The following OSBPL9 variants were observed in gnomAD, a reference collection of about 807,000 sequenced individuals.
The protein encoded by OSBPL9 is oxysterol binding protein like 9.
OSBPL9 carries 40 observed loss-of-function variants against 106.6 expected under a neutral mutation model. The ratio of observed to expected loss-of-function variants is 0.38; its 90% CI spans 0.29 to 0.49. OSBPL9 has a LOEUF of 0.49. Among genes scored for constraint, OSBPL9 ranks in the 20% least tolerant of loss-of-function variants. OSBPL9 has a pLI of 0.97. For synonymous variants in OSBPL9, 269 were observed against 295.4 expected (o/e 0.91, Z 0.92); for missense variants, 609 against 887.2 (o/e 0.69, Z 3.98).
intron 1 of OSBPL9, among the ~76,000 whole-genome samples, chr1:51,620,250 T>C (rs1644342669): frequency 6.6e-6 from 1 of 152,094 alleles, no homozygotes; most frequent in Admixed American, 6.6e-5. Flanking sequence ...GGAAGGAAAT[T>C]GGGGGAGTTA....
the OSBPL9 span, among the ~76,000 whole-genome samples, chr1:51,568,853 C>A: frequency 3.9e-5 from 6 of 152,214 alleles, no homozygotes; most frequent in Non-Finnish European, 2.9e-5. Context: ...CCTGGTATTA[C>A]AGGTGCTAGC....
At chr1:51,602,724 G>A (rs1333814325) in intron 2 of OSBPL9, among the ~76,000 whole-genome samples, 1 of 152,176 alleles carries the variant, frequency 6.6e-6, no homozygotes. Context: ...GGGATTACAG[G>A]CATGAGCTAC....
At chr1:51,556,857 A>C in the OSBPL9 span, among the ~76,000 whole-genome samples, 3 of 150,244 alleles carry the variant, frequency 2.0e-5, no homozygotes, top group African/African-American at 7.3e-5. Context: ...GTATATATAT[A>C]TCTCAAACTA....
rs1677081016 is a variant in OSBPL9 at position 51,784,254 on chromosome 1, C to T, written c.1625-10C>T. ...CTACTCATCAGAGATTCTGTCCCTT[C>T]TCTCCACAGGCTGTGTCTCATGTCT... On this transcript the variant is annotated splice_polypyrimidine_tract_variant and intron_variant, in intron 18 of 23. Coordinates refer to ENST00000428468, the MANE Select transcript of OSBPL9 (RefSeq NM_024586.6). 1 of 1,612,962 alleles carries T rather than the reference C, an allele frequency of 6.2e-7. No individual in the cohort carries two copies. Among genetic ancestry groups the T allele is most frequent in the South Asian group, 1.1e-5 (1 of 91,050 alleles).
At chr1:51,743,223 A>G (rs902762925) in intron 4 of OSBPL9, among the ~76,000 whole-genome samples, 3 of 152,248 alleles carry the variant, frequency 2.0e-5, no homozygotes, top group African/African-American at 7.2e-5. Context: ...CCTGTTACAC[A>G]TTACCTAAAG....
chr1:51,756,858 C>G (rs1012973049), intron 9 of OSBPL9: 1 of 152,170 alleles, frequency 6.6e-6, no homozygotes, highest in East Asian at 1.9e-4. Context: ...AACATGAATT[C>G]TTTCTCTTAT....
At chr1:51,520,243 C>T in the OSBPL9 span, among the ~76,000 whole-genome samples, 3 of 152,182 alleles carry the variant, frequency 2.0e-5, no homozygotes, top group African/African-American at 7.2e-5. Flanking sequence ...ACAGTGCATG[C>T]TCAGTAAAGG....
intron 1 of OSBPL9, among the ~76,000 whole-genome samples, chr1:51,619,787 C>T (rs1000366877): frequency 5.3e-5 from 8 of 152,146 alleles, no homozygotes; most frequent in Non-Finnish European, 1.0e-4. Context: ...TCAGTCCATT[C>T]GGATTCTGAA....
the OSBPL9 span, among the ~76,000 whole-genome samples, chr1:51,553,685 A>T: frequency 3.4e-5 from 5 of 147,760 alleles, no homozygotes; most frequent in African/African-American, 9.9e-5. Flanking sequence ...CTAAAAAAAA[A>T]TTTTTTTTTT....
intron 2 of OSBPL9, among the ~76,000 whole-genome samples, chr1:51,654,463 A>G (rs1480555473): frequency 2.6e-5 from 4 of 152,220 alleles, no homozygotes; most frequent in African/African-American, 9.6e-5. Flanking sequence ...TTTTAAAGGT[A>G]ATGAATTGGC....
chr1:51,551,914 C>T, the OSBPL9 span, among the ~76,000 whole-genome samples: 3 of 150,722 alleles, frequency 2.0e-5, no homozygotes, highest in Admixed American at 6.6e-5. Context: ...TTCAGATTTC[C>T]GGGATAGTGT....
At chr1:51,625,776 G>C (rs1025753601) in intron 1 of OSBPL9, among the ~76,000 whole-genome samples, 1 of 151,948 alleles carries the variant, frequency 6.6e-6, no homozygotes, top group Non-Finnish European at 1.5e-5. Context: ...CACCCTCCTC[G>C]GCCTCCCAAA....
the OSBPL9 span, among the ~76,000 whole-genome samples, chr1:51,548,225 G>T: frequency 6.6e-6 from 1 of 151,926 alleles, no homozygotes; most frequent in Non-Finnish European, 1.5e-5. Flanking sequence ...TTTTTTTCTT[G>T]TTAAAATTAC....
At chr1:51,519,760 G>T in the OSBPL9 span, among the ~76,000 whole-genome samples, 1 of 152,298 alleles carries the variant, frequency 6.6e-6, no homozygotes, top group Admixed American at 6.5e-5. Context: ...ACACAAATAA[G>T]TGTCTTACTA....
intron 2 of OSBPL9, among the ~76,000 whole-genome samples, chr1:51,652,409 T>A (rs1646574335): frequency 1.3e-5 from 2 of 152,226 alleles, no homozygotes; most frequent in Non-Finnish European, 2.9e-5. Context: ...GCTGCTTTGT[T>A]TTTCCTGTTC....
At chr1:51,530,193 C>CAAAAAAAAAAAACA in the OSBPL9 span, among the ~76,000 whole-genome samples, 1 of 55,636 alleles carries the variant, frequency 1.8e-5, no homozygotes, top group East Asian at 3.2e-4. Flanking sequence ...AAAAAAAAAA[C>CAAAAAAAAAAAACA]AAAAAAAAAA....
At chr1:51,527,695 C>T in the OSBPL9 span, among the ~76,000 whole-genome samples, 1 of 151,962 alleles carries the variant, frequency 6.6e-6, no homozygotes, top group Non-Finnish European at 1.5e-5. Flanking sequence ...TGGCTGGGTG[C>T]CTGCCTGGGG....
intron 1 of OSBPL9, among the ~76,000 whole-genome samples, chr1:51,635,921 C>T (rs1645405378): frequency 1.3e-5 from 2 of 151,980 alleles, no homozygotes; most frequent in African/African-American, 4.8e-5. Context: ...TAAAGCCTAT[C>T]TTGAACTGAT....
intron 1 of OSBPL9, among the ~76,000 whole-genome samples, chr1:51,584,694 C>T (rs907571682): frequency 2.0e-5 from 3 of 151,736 alleles, no homozygotes; most frequent in African/African-American, 4.8e-5. Context: ...CCAGCCTGGG[C>T]GATAAAAGCA....
Sources: allele counts gnomAD v4.1 joint callset (sites outside exome capture counted in the v4.1 genomes callset), GRCh38; gene constraint gnomAD v4.1.1; transcripts MANE v1.5; gene names NCBI Gene and HGNC (gene_info 2026-07-23, HGNC 2026-07-21).